WWOX: variants seen among roughly 807,000 people sequenced by gnomAD.
The protein encoded by WWOX is WW domain containing oxidoreductase.
WWOX carries 69 observed loss-of-function variants against 46.2 expected under a neutral mutation model. The observed-to-expected ratio is 1.49, with a 90% CI of 1.23 to 1.82. The LOEUF is 1.82. Among genes scored for constraint, WWOX ranks in the 40% most tolerant of loss-of-function variants. The pLI is 0.00. For synonymous variants in WWOX, 359 were observed against 202.6 expected (o/e 1.77, Z -6.56); for missense variants, 919 against 542.6 (o/e 1.69, Z -6.89).
intron 8 of WWOX, among the ~76,000 whole-genome samples, chr16:78,442,482 C>A (rs1468696285): frequency 6.6e-6 from 1 of 152,156 alleles, no homozygotes. Flanking sequence ...TGGGAACTGC[C>A]CTCTACTCTC....
chr16:78,277,536 A>C (rs2079600737), intron 5 of WWOX, among the ~76,000 whole-genome samples: 1 of 152,138 alleles, frequency 6.6e-6, no homozygotes. Context: ...TTGTAAATCA[A>C]AGCTGGGCAG....
intron 8 of WWOX, among the ~76,000 whole-genome samples, chr16:78,774,857 C>T (rs1370700887): frequency 6.6e-6 from 1 of 152,164 alleles, no homozygotes; most frequent in African/African-American, 2.4e-5. Flanking sequence ...AAGTCCATCC[C>T]CTTATTGAGC....
chr16:78,461,478 G>A (rs992617185), intron 8 of WWOX, among the ~76,000 whole-genome samples: 20 of 152,346 alleles, frequency 1.3e-4, no homozygotes, highest in African/African-American at 4.6e-4. Flanking sequence ...TGTGTGCATA[G>A]GTGGGACTGC....
At chr16:78,247,715 C>G (rs886665192) in intron 5 of WWOX, among the ~76,000 whole-genome samples, 11 of 152,154 alleles carry the variant, frequency 7.2e-5, no homozygotes, top group Non-Finnish European at 1.5e-4. Flanking sequence ...CCTCACTGTC[C>G]TAGGGATGCT....
chr16:79,062,984 C>G (rs887750801), intron 8 of WWOX, among the ~76,000 whole-genome samples: 2 of 152,120 alleles, frequency 1.3e-5, no homozygotes, highest in Non-Finnish European at 2.9e-5. Context: ...CTACAGATGC[C>G]GAGGATATTT....
chr16:78,570,696 C>T (rs904708560), intron 8 of WWOX, among the ~76,000 whole-genome samples: 1 of 152,118 alleles, frequency 6.6e-6, no homozygotes, highest in African/African-American at 2.4e-5. Flanking sequence ...CCCAGACAAG[C>T]CAGGTTTACA....
intron 5 of WWOX, among the ~76,000 whole-genome samples, chr16:78,273,118 CT>C (rs2079512318): frequency 6.6e-6 from 1 of 152,186 alleles, no homozygotes; most frequent in Non-Finnish European, 1.5e-5. Context: ...AGTCTTTTAG[CT>C]GTTTCTTCAC....
At chr16:78,316,868 C>T (rs1378625063) in intron 5 of WWOX, among the ~76,000 whole-genome samples, 1 of 152,148 alleles carries the variant, frequency 6.6e-6, no homozygotes, top group Non-Finnish European at 1.5e-5. Flanking sequence ...AACCCTGCAC[C>T]CTGGGACATG....
rs1369102097 is a variant in WWOX, at chr16:79,211,784, C to G, written c.1233C>G (p.Ser411Arg). The G allele has an allele frequency of 1.2e-6, 2 of 1,614,086 alleles. No individual in the cohort carries two copies. Reference protein sequence around the residue: ...SERLIQERLGSQSG With the variant: ...SERLIQERLGRQSG ...GGCTGATCCAAGAACGGCTTGGCAG[C>G]CAGTCCGGCTAAGTGGAGCTCAGAG... Residue 411 changes from serine to arginine, a missense_variant, in exon 9 of 9, where the codon AGC (serine) becomes AGG (arginine). By Grantham distance (110) the Ser-to-Arg change is moderately radical (BLOSUM62 -1). Coordinates refer to ENST00000566780, the MANE Select transcript of WWOX (RefSeq NM_016373.4).
intron 8 of WWOX, among the ~76,000 whole-genome samples, chr16:78,640,887 C>T (rs1015070734): frequency 1.4e-5 from 2 of 147,024 alleles, no homozygotes; most frequent in African/African-American, 5.1e-5. Flanking sequence ...TGCAGTGAGC[C>T]GAGATCATGC....
chr16:78,956,968 G>C (rs1018199880), intron 8 of WWOX, among the ~76,000 whole-genome samples: 1 of 152,174 alleles, frequency 6.6e-6, no homozygotes, highest in African/African-American at 2.4e-5. Context: ...CAGTACGTGG[G>C]TATCTTCGGT....
chr16:79,054,791 A>C (rs772393825), intron 8 of WWOX, among the ~76,000 whole-genome samples: 10 of 152,198 alleles, frequency 6.6e-5, no homozygotes, highest in Non-Finnish European at 1.0e-4. Flanking sequence ...ACACCACCGC[A>C]CTCCAGCCTG....
At chr16:78,342,255 C>G (rs115681012) in intron 5 of WWOX, among the ~76,000 whole-genome samples, 1,440 of 121,302 alleles carry the variant, frequency 0.012, 340 homozygotes, top group African/African-American at 0.038. Flanking sequence ...AAACAACTTG[C>G]AACGTCTCAT....
Position 78,115,951 on chromosome 16 carries a change from G to A in WWOX, c.409+797G>A, listed in dbSNP as rs142986297. 1.8e-4 allele frequency among the ~76,000 whole-genome samples: 28 copies of A among 152,122 alleles called. 1 individual carries two copies. Among genetic ancestry groups the A allele is most frequent in the African/African-American group, 6.3e-4 (26 of 41,526 alleles). The stretch of plus-strand genomic sequence containing the variant: ...TTTTGGTCCCCCGCAGCCCTCACAC[G>A]GCCCCCTTGATGCCCTCCTCTACTC... On this transcript the variant is annotated intron_variant, in intron 4 of 8. Coordinates refer to ENST00000566780, the MANE Select transcript of WWOX (RefSeq NM_016373.4).
chr16:78,100,168 C>A (rs1019006450), intron 1 of WWOX: 1 of 1,280,366 alleles, frequency 7.8e-7, no homozygotes, highest in Non-Finnish European at 9.9e-7. Flanking sequence ...GCCTCATCCC[C>A]GCCAAAAAAT....
chr16:78,302,669 T>C (rs570080639), intron 5 of WWOX, among the ~76,000 whole-genome samples: 71 of 152,170 alleles, frequency 4.7e-4, no homozygotes, highest in Admixed American at 1.6e-3. Flanking sequence ...GGTCTCTACT[T>C]TGCCACAATC....
At chr16:79,056,093 A>G (rs887517171) in intron 8 of WWOX, among the ~76,000 whole-genome samples, 1 of 152,058 alleles carries the variant, frequency 6.6e-6, no homozygotes, top group African/African-American at 2.4e-5. Flanking sequence ...GTAAAAAAAA[A>G]GGAAAACCAC....
chr16:79,124,807 A>G (rs2049715933), intron 8 of WWOX, among the ~76,000 whole-genome samples: 1 of 152,210 alleles, frequency 6.6e-6, no homozygotes, highest in Admixed American at 6.5e-5. Flanking sequence ...AAAAGTATAA[A>G]CCAATGAGTC....
chr16:78,746,020 T>G (rs1342980813), intron 8 of WWOX, among the ~76,000 whole-genome samples: 1 of 152,200 alleles, frequency 6.6e-6, no homozygotes, highest in African/African-American at 2.4e-5. Flanking sequence ...ATAATCTGTA[T>G]CCATCCACAA....
Sources: allele counts gnomAD v4.1 joint callset (sites outside exome capture counted in the v4.1 genomes callset), GRCh38; gene constraint gnomAD v4.1.1; transcripts MANE v1.5; gene names NCBI Gene and HGNC (gene_info 2026-07-23, HGNC 2026-07-21).